PDZRN3: variants seen among roughly 807,000 people sequenced by gnomAD.
The protein encoded by PDZRN3 is E3 ubiquitin-protein ligase PDZRN3.
PDZRN3 carries 38 observed loss-of-function variants against 85.7 expected under a neutral mutation model. The observed-to-expected ratio is 0.44, with a 90% CI of 0.34 to 0.58. The LOEUF is 0.58. PDZRN3 is among the 20% of genes least tolerant of loss of function. The pLI is 0.01. For missense variants in PDZRN3, 1,629 were observed against 1,506.4 expected, an observed-to-expected ratio of 1.08 and a Z score of -1.35; for synonymous variants, 759 against 638.0, an observed-to-expected ratio of 1.19 and a Z score of -2.86.
intron 3 of PDZRN3, among the ~76,000 whole-genome samples, chr3:73,459,747 T>A (rs1350616228): frequency 6.6e-6 from 1 of 152,258 alleles, no homozygotes; most frequent in African/African-American, 2.4e-5. Flanking sequence ...CTTTATCGAA[T>A]CTGTCATTGA....
At chr3:73,461,137 G>A (rs1247715757) in intron 3 of PDZRN3, among the ~76,000 whole-genome samples, 1 of 152,126 alleles carries the variant, frequency 6.6e-6, no homozygotes, top group Non-Finnish European at 1.5e-5. Flanking sequence ...AGTGGAAGTT[G>A]ATCTCAGAAC....
chr3:73,576,016 A>C (rs1377678959), intron 3 of PDZRN3, among the ~76,000 whole-genome samples: 1 of 152,098 alleles, frequency 6.6e-6, no homozygotes, highest in Non-Finnish European at 1.5e-5. Flanking sequence ...AAGAGAGAAA[A>C]ATCAAGCGAA....
intron 3 of PDZRN3, among the ~76,000 whole-genome samples, chr3:73,416,321 G>A (rs369923948): frequency 6.6e-6 from 1 of 152,022 alleles, no homozygotes; most frequent in Admixed American, 6.6e-5. Context: ...TGACGTGTGA[G>A]GTCTCAAGAC....
intron 3 of PDZRN3, among the ~76,000 whole-genome samples, chr3:73,491,088 A>G (rs747416380): frequency 2.6e-5 from 4 of 152,252 alleles, no homozygotes; most frequent in South Asian, 2.1e-4. Flanking sequence ...GCTCAAGCTC[A>G]TAAGTGCGAC....
chr3:73,614,018 C>T (rs1414241232), intron 1 of PDZRN3, among the ~76,000 whole-genome samples: 1 of 152,154 alleles, frequency 6.6e-6, no homozygotes, highest in East Asian at 1.9e-4. Context: ...TAAGCCAAGT[C>T]ACAAGCAGAA....
Position 73,404,169 on chromosome 3 carries a change from T to C in PDZRN3, c.1145A>G (p.Asp382Gly). The change falls in exon 4 of 10, where the codon GAT (aspartate) becomes GGT (glycine). Residue 382 changes from aspartate to glycine, a missense_variant. By Grantham distance (94) the Asp-to-Gly change is moderately conservative. Coordinates refer to ENST00000263666, the MANE Select transcript of PDZRN3 (RefSeq NM_015009.3). Reference protein sequence around the residue: ...KMSSPSPPVLDPYLLPEEHPS... With the variant: ...KMSSPSPPVLGPYLLPEEHPS... ...TTACTCCTCTGGCAAGAGATAGGGA[T>C]CCAGCACGGGTGGGCTGGGAGAGGA... 1 of 1,613,878 alleles carries C rather than the reference T, an allele frequency of 6.2e-7. No individual in the cohort carries two copies. Among genetic ancestry groups the C allele is most frequent in the East Asian group, 2.2e-5 (1 of 44,872 alleles).
At chr3:73,556,499 G>A (rs1701698835) in intron 3 of PDZRN3, among the ~76,000 whole-genome samples, 1 of 152,106 alleles carries the variant, frequency 6.6e-6, no homozygotes, top group South Asian at 2.1e-4. Context: ...ACCTTTAAAT[G>A]GTCATCTTTT....
At chr3:73,451,299 T>C (rs1268152054) in intron 3 of PDZRN3, among the ~76,000 whole-genome samples, 1 of 152,180 alleles carries the variant, frequency 6.6e-6, no homozygotes, top group East Asian at 1.9e-4. Context: ...TAATAAATGA[T>C]TGGTACAGTC....
chr3:73,465,878 T>G (rs1202862746), intron 3 of PDZRN3, among the ~76,000 whole-genome samples: 3 of 152,266 alleles, frequency 2.0e-5, no homozygotes, highest in African/African-American at 7.2e-5. Context: ...TTGAATGTTT[T>G]AAGCAAATTC....
In PDZRN3 at chr3:73,383,539, G is replaced by A. The variant is rs753101529; in HGVS notation, c.3027C>T (p.Ala1009=). Residue 1009 remains alanine, a synonymous_variant, in exon 10 of 10, where the codon GCC becomes GCT. Transcript: ENST00000263666. ...GAATGTTCATCTCCTTCCTGTCATC[G>A]GCTGCTTGCTGCTCCTTGAGACAAT... is the stretch of plus-strand genomic sequence containing the variant. ...RLDCLKEQQA[A]DDRKEMNILE... is the part of the protein sequence containing the mutation. 6 of 1,613,890 alleles carry A rather than the reference G, an allele frequency of 3.7e-6. No homozygotes were observed. In the African/African-American group the frequency reaches 5.3e-5, roughly 14 times the overall value.
rs1440506728 is a variant in PDZRN3 at position 73,486,383 on chromosome 3, G to C, written c.919-81988C>G. Among the ~76,000 whole-genome samples the C allele has an allele frequency of 2.9e-5, 3 of 102,930 alleles. No homozygotes were observed. The Admixed American group carries it at 3.5e-4, about 12-fold the overall frequency. 67.5% of individuals were successfully genotyped at this position (102,930 alleles called of 152,430 possible). The stretch of plus-strand genomic sequence containing the variant: ...GGCAGGGCACTCATAGAATGGAGAA[G>C]AGCATGAGGTGGAAGGAAAAAAAAA... On this transcript the variant is annotated intron_variant, in intron 3 of 9. Transcript: ENST00000263666.
intron 3 of PDZRN3, among the ~76,000 whole-genome samples, chr3:73,432,583 C>T (rs1702453923): frequency 6.6e-6 from 1 of 152,152 alleles, no homozygotes; most frequent in Non-Finnish European, 1.5e-5. Flanking sequence ...AGGCAGCCAA[C>T]CCACCTTTTG....
chr3:73,392,632 T>C (rs1385326273), intron 5 of PDZRN3, among the ~76,000 whole-genome samples: 3 of 152,210 alleles, frequency 2.0e-5, no homozygotes, highest in Admixed American at 2.0e-4. Context: ...AATAATTACA[T>C]GCAGGTATGG....
chr3:73,610,793 G>T lies in PDZRN3; in HGVS notation c.724-2109C>A, dbSNP rs562016831. 5.3e-5 allele frequency among the ~76,000 whole-genome samples: 8 copies of T among 152,200 alleles called. No individual in the cohort carries two copies. The East Asian group carries it at 1.5e-3, about 29-fold the overall frequency. On this transcript the variant is annotated intron_variant, in intron 1 of 9. Transcript: ENST00000263666. The stretch of plus-strand genomic sequence containing the variant: ...TTAAAAGATTGGTCTTCAATCTACT[G>T]TGTGATAACCACTTATTCAAGAAAA...
At chr3:73,508,894 C>T (rs1034252584) in intron 3 of PDZRN3, among the ~76,000 whole-genome samples, 38 of 152,206 alleles carry the variant, frequency 2.5e-4, no homozygotes, top group African/African-American at 8.4e-4. Flanking sequence ...CCTCTGGCAA[C>T]AGAGCCCCTA....
At chr3:73,527,315 A>G (rs1704547312) in intron 3 of PDZRN3, among the ~76,000 whole-genome samples, 1 of 152,204 alleles carries the variant, frequency 6.6e-6, no homozygotes, top group Non-Finnish European at 1.5e-5. Context: ...TAGGATATGA[A>G]CCAGTAAATG....
intron 3 of PDZRN3, among the ~76,000 whole-genome samples, chr3:73,549,320 C>A (rs760888849): frequency 3.3e-5 from 5 of 152,164 alleles, no homozygotes; most frequent in Non-Finnish European, 5.9e-5. Context: ...AGAATAGGCT[C>A]TTTTCTTCTC....
At chr3:73,604,665 T>A (rs1358804655) in intron 2 of PDZRN3, among the ~76,000 whole-genome samples, 1 of 152,046 alleles carries the variant, frequency 6.6e-6, no homozygotes, top group Non-Finnish European at 1.5e-5. Context: ...CCCTAAGAGG[T>A]GATGTCAATA....
intron 3 of PDZRN3, among the ~76,000 whole-genome samples, chr3:73,491,330 A>T (rs4384898): frequency 6.6e-6 from 1 of 152,026 alleles, no homozygotes; most frequent in Non-Finnish European, 1.5e-5. Context: ...AGATGCAGCC[A>T]GGAGGGGAAT....
Sources: gnomAD v4.1 joint callset for allele counts (sites outside exome capture counted in the v4.1 genomes callset) on GRCh38, gnomAD v4.1.1 for gene constraint, MANE v1.5 for transcripts, NCBI Gene and HGNC (gene_info 2026-07-23, HGNC 2026-07-21) for gene names.